The following LIMCH1 variants were observed in gnomAD, a reference collection of about 807,000 sequenced individuals.
LIMCH1 encodes LIM and calponin homology domains 1.
LIMCH1 carries 113 observed loss-of-function variants against 176.5 expected under a neutral mutation model. The ratio of observed to expected loss-of-function variants is 0.64; its 90% CI spans 0.55 to 0.75. LIMCH1 has a LOEUF of 0.75. LIMCH1 is among the 30% of genes least tolerant of loss of function. LIMCH1 has a pLI of 0.00. For missense variants in LIMCH1, 1,674 were observed against 1,814.9 expected (o/e 0.92, Z 1.41); for synonymous variants, 619 against 645.9 (o/e 0.96, Z 0.63).
intron 17 of LIMCH1, among the ~76,000 whole-genome samples, chr4:41,647,857 C>T (rs2094129202): frequency 6.6e-6 from 1 of 152,234 alleles, no homozygotes; most frequent in Admixed American, 6.5e-5. Flanking sequence ...ACAAAAATGT[C>T]CAGACTGTCT....
intron 1 of LIMCH1, among the ~76,000 whole-genome samples, chr4:41,436,810 A>T (rs2062131984): frequency 6.6e-6 from 1 of 150,984 alleles, no homozygotes; most frequent in African/African-American, 2.4e-5. Context: ...GAAAAAAAAA[A>T]TTTGCGAAGG....
chr4:41,529,639 C>T (rs1481936645), intron 3 of LIMCH1, among the ~76,000 whole-genome samples: 2 of 152,154 alleles, frequency 1.3e-5, no homozygotes, highest in Non-Finnish European at 2.9e-5. Flanking sequence ...CACCCCTCTC[C>T]TTGGTTATTA....
chr4:41,488,090 G>T (rs1277210219), intron 1 of LIMCH1, among the ~76,000 whole-genome samples: 2 of 152,134 alleles, frequency 1.3e-5, no homozygotes, highest in East Asian at 3.9e-4. Context: ...ATGGAGAAAG[G>T]CCTAGGTAAA....
chr4:41,419,898 GAAC>G (rs2060463719), intron 1 of LIMCH1, among the ~76,000 whole-genome samples: 3 of 150,948 alleles, frequency 2.0e-5, no homozygotes, highest in African/African-American at 7.3e-5. Flanking sequence ...ATATAACTTC[GAAC>G]CAGATGGAAA....
At chr4:41,622,903 A>G (rs2092687239) in intron 7 of LIMCH1, among the ~76,000 whole-genome samples, 1 of 152,208 alleles carries the variant, frequency 6.6e-6, no homozygotes, top group Admixed American at 6.5e-5. Context: ...ATAATTATGC[A>G]TATTCTCAGA....
chr4:41,689,434 A>G (rs1723601264), intron 29 of LIMCH1, 93 bp from the exon 30 acceptor site: 2 of 676,926 alleles, frequency 3.0e-6, no homozygotes, highest in Non-Finnish European at 5.4e-6. Context: ...TTAAAAATCC[A>G]TATTTTCATT....
chr4:41,651,588 CT>C (rs1489670838), intron 18 of LIMCH1, among the ~76,000 whole-genome samples: 1 of 152,068 alleles, frequency 6.6e-6, no homozygotes, highest in Non-Finnish European at 1.5e-5. Flanking sequence ...TTTAAAATAC[CT>C]TTTCCCCCCC....
chr4:41,482,106 G>A (rs1307226313), intron 1 of LIMCH1, among the ~76,000 whole-genome samples: 1 of 152,144 alleles, frequency 6.6e-6, no homozygotes, highest in Non-Finnish European at 1.5e-5. Flanking sequence ...CTGCCTATGC[G>A]ATCTGCCTGC....
At position 41,620,660 on chromosome 4, in the gene LIMCH1, A is replaced by T. The variant is rs1584952386; in HGVS notation, c.695A>T (p.Lys232Met). ...KRKRLEQAGI[K>M]VMPAAQRFAS... ...AAAAGGCTAGAGCAAGCTGGAATCA[A>T]GGTCATGCCAGCAGCACAGCGCTTT... is the stretch of plus-strand genomic sequence containing the variant. Residue 232 changes from lysine (K) to methionine (M), a missense_variant, in exon 7 of 32, where the codon AAG becomes ATG. Physicochemically the swap from Lys to Met is moderately conservative, Grantham distance 95. This residue lies in a region of LIMCH1 where 655 missense variants were observed against 692.2 expected (regional missense o/e 0.95). Coordinates refer to ENST00000503057, the MANE Select transcript of LIMCH1 (RefSeq NM_001330672.2). The T allele has an allele frequency of 6.5e-7, 1 of 1,535,854 alleles. No homozygotes were observed. The highest frequency in any genetic ancestry group is 1.2e-5 in the South Asian group (1 of 84,044).
chr4:41,670,742 C>T (rs2289342), intron 21 of LIMCH1: 114,314 of 1,535,018 alleles, frequency 0.074, 5,045 homozygotes, highest in South Asian at 0.15. Context: ...GCCAGTGTTC[C>T]GCTTAGAGTT....
chr4:41,458,773 C>CAAA (rs779184137), intron 1 of LIMCH1, among the ~76,000 whole-genome samples: 43 of 53,212 alleles, frequency 8.1e-4, no homozygotes, highest in Non-Finnish European at 9.2e-4. Flanking sequence ...ACTCTGTCAC[C>CAAA]AAAAAAAAAA....
intron 1 of LIMCH1, among the ~76,000 whole-genome samples, chr4:41,448,025 A>G (rs1443744567): frequency 1.3e-5 from 2 of 152,194 alleles, no homozygotes; most frequent in Non-Finnish European, 2.9e-5. Flanking sequence ...TCCTGACCTC[A>G]GGTGATCTGC....
At chr4:41,471,442 A>G (rs989315548) in intron 1 of LIMCH1, among the ~76,000 whole-genome samples, 9 of 152,150 alleles carry the variant, frequency 5.9e-5, no homozygotes, top group African/African-American at 2.2e-4. Flanking sequence ...TAGTAATAGG[A>G]TCTCTGAGGT....
At chr4:41,565,394 CACAG>C (rs1359124584) in intron 1 of LIMCH1, among the ~76,000 whole-genome samples, 51 of 147,912 alleles carry the variant, frequency 3.4e-4, no homozygotes, top group African/African-American at 1.3e-3. Flanking sequence ...TACACACACA[CACAG>C]ACACACACAC....
At chr4:41,533,027 C>T (rs1309326089) in intron 3 of LIMCH1, among the ~76,000 whole-genome samples, 3 of 152,110 alleles carry the variant, frequency 2.0e-5, no homozygotes, top group Admixed American at 6.5e-5. Flanking sequence ...TAAGCTTACT[C>T]GTGGATATTG....
At chr4:41,564,178 T>C (rs769728756) in intron 1 of LIMCH1, among the ~76,000 whole-genome samples, 20 of 152,314 alleles carry the variant, frequency 1.3e-4, no homozygotes, top group Middle Eastern at 3.4e-3. Context: ...ATAGATAATA[T>C]GATTGTTCCC....
intron 1 of LIMCH1, among the ~76,000 whole-genome samples, chr4:41,405,319 C>T (rs1251866148): frequency 6.6e-6 from 1 of 152,038 alleles, no homozygotes; most frequent in Non-Finnish European, 1.5e-5. Flanking sequence ...TGCTGTTTTA[C>T]TTGTAGAGTC....
intron 1 of LIMCH1, among the ~76,000 whole-genome samples, chr4:41,461,205 G>A (rs2065322175): frequency 6.6e-6 from 1 of 152,196 alleles, no homozygotes. Flanking sequence ...AACGGAGGCA[G>A]AGAGTGTTTT....
At chr4:41,628,658 T>C (rs753278647) in intron 8 of LIMCH1, among the ~76,000 whole-genome samples, 1 of 152,184 alleles carries the variant, frequency 6.6e-6, no homozygotes, top group Non-Finnish European at 1.5e-5. Context: ...AAGAAGCATA[T>C]TTAGTTAGAA....
Sources: allele counts gnomAD v4.1 joint callset (sites outside exome capture counted in the v4.1 genomes callset), GRCh38; gene constraint gnomAD v4.1.1; regional missense constraint gnomAD v4.1.1; transcripts MANE v1.5; gene names NCBI Gene and HGNC (gene_info 2026-07-23, HGNC 2026-07-21).